Variants in ASIC2 observed in about 807,000 individuals in gnomAD.
ASIC2 encodes the protein acid sensing ion channel subunit 2, also known as acid-sensing ion channel 2.
In ASIC2, 25 loss-of-function variants were observed where a neutral mutation model predicts 57.3. That is an observed-to-expected ratio of 0.44 (90% confidence interval 0.32 to 0.61). ASIC2 has a LOEUF of 0.61. Among genes scored for constraint, ASIC2 ranks in the 20% least tolerant of loss-of-function variants. ASIC2 has a pLI of 0.06. For synonymous variants in ASIC2, 319 were observed against 307.5 expected (o/e 1.04, Z -0.39); for missense variants, 641 against 738.1 (o/e 0.87, Z 1.52).
rs202059141 is a variant in ASIC2, at chr17:33,088,817, C to T, written c.987+46G>A. On this transcript the variant is annotated intron_variant, in intron 3 of 9. Coordinates refer to ENST00000225823, the MANE Select transcript of ASIC2 (RefSeq NM_183377.2). ...TCCTCCTTGTGCCTCTGCAGGGGGT[C>T]GGGGGAGGCTGAGGACCATCAATCC... 170 of 1,556,436 alleles carry T rather than the reference C, an allele frequency of 1.1e-4. No homozygotes were observed. In the East Asian group the frequency reaches 1.4e-3, roughly 13 times the overall value.
intron 1 of ASIC2, among the ~76,000 whole-genome samples, chr17:33,704,611 G>C (rs965241435): frequency 7.2e-5 from 11 of 152,312 alleles, no homozygotes; most frequent in African/African-American, 2.6e-4. Flanking sequence ...AAACTAACAG[G>C]ATAAGAACCA....
chr17:33,942,946 CA>C (rs1482934038), intron 1 of ASIC2, among the ~76,000 whole-genome samples: 1 of 152,182 alleles, frequency 6.6e-6, no homozygotes, highest in Non-Finnish European at 1.5e-5. Context: ...TCGTCCTTCC[CA>C]AAGTCTCAGG....
chr17:33,686,919 G>A lies in ASIC2; in HGVS notation c.555+469059C>T, dbSNP rs957509060. ...AGAGTTACATCAGGGAGGGGCAGGG[G>A]TTGGGAAAATAAACCTAAATGCAGT... On this transcript the variant is annotated intron_variant, in intron 1 of 9. Coordinates refer to the ASIC2 transcript ENST00000359872. Among the ~76,000 whole-genome samples, 8 of 152,148 alleles carry A rather than the reference G, an allele frequency of 5.3e-5. 1 individual carries two copies. In the East Asian group the frequency reaches 1.5e-3, roughly 29 times the overall value.
chr17:33,310,121 C>A (rs532145748), intron 1 of ASIC2, among the ~76,000 whole-genome samples: 27 of 151,496 alleles, frequency 1.8e-4, no homozygotes, highest in African/African-American at 6.3e-4. Flanking sequence ...TTCATTGAAG[C>A]CTGGGTGTTT....
rs754555423 is a variant in ASIC2 at position 33,025,930 on chromosome 17, G to C, written c.1191C>G (p.Ala397=). 3.7e-6 allele frequency: 6 copies of C among 1,612,648 alleles called. No individual in the cohort carries two copies. In the South Asian group the frequency reaches 6.6e-5, roughly 18 times the overall value. The change falls in exon 5 of 10, where the codon GCC becomes GCG. Residue 397 remains alanine (A), a synonymous_variant. Coordinates refer to ENST00000225823, the MANE Select transcript of ASIC2 (RefSeq NM_183377.2). ...PEQHKECAEP[A]LGLLAEKDSN... ...ATCTGTCCCCTGAGTACTGACCTAG[G>C]GCAGGCTCTGCACACTCCTTGTGCT... is the stretch of plus-strand genomic sequence containing the variant.
intron 1 of ASIC2, among the ~76,000 whole-genome samples, chr17:33,973,088 C>T (rs958342731): frequency 1.3e-5 from 2 of 152,240 alleles, no homozygotes; most frequent in Non-Finnish European, 2.9e-5. Flanking sequence ...TGAATCTCTG[C>T]ATCATCTCTT....
intron 1 of ASIC2, among the ~76,000 whole-genome samples, chr17:33,314,661 G>T (rs1346583968): frequency 2.0e-5 from 3 of 152,224 alleles, no homozygotes; most frequent in African/African-American, 7.2e-5. Context: ...AGAGCTCAGT[G>T]TAAAAGGTTT....
At position 33,276,799 on chromosome 17, in the gene ASIC2, C is replaced by T. The variant is rs544615810; in HGVS notation, c.708+14609G>A. ...CCTGACGGTCTAGCCTGGGGGAAGC[C>T]GCTTTGCTTCTCAGAGCAGGATTCA... On this transcript the variant is annotated intron_variant, in intron 1 of 9. Transcript: ENST00000225823. Among the ~76,000 whole-genome samples the T allele has an allele frequency of 1.1e-4, 16 of 152,286 alleles. No homozygotes were observed. The South Asian group carries it at 2.9e-3, about 28-fold the overall frequency.
rs935979100 is a variant in ASIC2 at position 34,080,051 on chromosome 17, A to G, written c.555+75927T>C. ...GAGCTGATGGCTTCTACACTTAGCT[A>G]AAGTGGACTCTATGAATACTGTCTG... On this transcript the variant is annotated intron_variant, in intron 1 of 9. Coordinates refer to the ASIC2 transcript ENST00000359872. 2.0e-5 allele frequency among the ~76,000 whole-genome samples: 3 copies of G among 152,210 alleles called. No individual in the cohort carries two copies. In the South Asian group the frequency reaches 6.2e-4, roughly 32 times the overall value.
chr17:34,038,049 T>C, intron 1 of ASIC2: 1 of 1,613,380 alleles, frequency 6.2e-7, no homozygotes, highest in South Asian at 1.1e-5. Flanking sequence ...GTTAGCTCCA[T>C]GCCATCCACT....
chr17:33,547,963 C>T (rs1045141772), intron 1 of ASIC2, among the ~76,000 whole-genome samples: 5 of 152,204 alleles, frequency 3.3e-5, no homozygotes, highest in Non-Finnish European at 5.9e-5. Context: ...GCTGATACAG[C>T]CAGCCATCAC....
intron 1 of ASIC2, among the ~76,000 whole-genome samples, chr17:33,170,792 A>T (rs1905485608): frequency 6.6e-6 from 1 of 152,210 alleles, no homozygotes; most frequent in South Asian, 2.1e-4. Flanking sequence ...CATTTCTACA[A>T]CATTCTACAA....
Position 34,131,806 on chromosome 17 carries a change from G to A in ASIC2, c.555+24172C>T, listed in dbSNP as rs556170762. Among the ~76,000 whole-genome samples, 116 of 152,346 alleles carry A rather than the reference G, an allele frequency of 7.6e-4. No homozygotes were observed. In the Middle Eastern group the frequency reaches 0.01, roughly 13 times the overall value. The stretch of plus-strand genomic sequence containing the variant: ...GAGGCCCCCTGTCCAAATGGGACCA[G>A]ATAAACAAGAGGCCCTGAAAGGTCT... On this transcript the variant is annotated intron_variant, in intron 1 of 9. Transcript: ENST00000359872.
At chr17:33,072,511 C>T (rs889186340) in intron 3 of ASIC2, among the ~76,000 whole-genome samples, 1 of 152,164 alleles carries the variant, frequency 6.6e-6, no homozygotes, top group Non-Finnish European at 1.5e-5. Context: ...TATCAGGTGG[C>T]CCATCTCTAC....
intron 1 of ASIC2, among the ~76,000 whole-genome samples, chr17:34,031,942 G>A (rs925956266): frequency 6.6e-6 from 1 of 152,168 alleles, no homozygotes; most frequent in Non-Finnish European, 1.5e-5. Context: ...CACTCTGCAG[G>A]ATATTATCCA....
At chr17:34,018,660 C>A (rs1907049839) in intron 1 of ASIC2, among the ~76,000 whole-genome samples, 2 of 152,136 alleles carry the variant, frequency 1.3e-5, no homozygotes, top group Admixed American at 6.5e-5. Context: ...GAAGTTGATT[C>A]CAACCCTCAT....
chr17:33,082,734 A>AAATG lies in ASIC2; in HGVS notation c.987+6128_987+6129insCATT, dbSNP rs2092118205. Among the ~76,000 whole-genome samples, 3 of 151,878 alleles carry AAATG rather than the reference A, an allele frequency of 2.0e-5. No individual in the cohort carries two copies. In the East Asian group the frequency reaches 5.8e-4, roughly 29 times the overall value. On this transcript the variant is annotated intron_variant, in intron 3 of 9. Coordinates refer to ENST00000225823, the MANE Select transcript of ASIC2 (RefSeq NM_183377.2). ...TAAATAAATAAATAAATAAATAAATAAATAAATAAATAATCATGGTTTGAG... is the reference window on the plus strand; with the variant it reads ...TAAATAAATAAATAAATAAATAAATAAATGAATAAATAAATAATCATGGTTTGAG...
intron 1 of ASIC2, among the ~76,000 whole-genome samples, chr17:33,438,774 T>TGGAG (rs1463640063): frequency 6.6e-6 from 1 of 151,704 alleles, no homozygotes; most frequent in Admixed American, 6.6e-5. Flanking sequence ...GCACATGACC[T>TGGAG]GGCCCAACCA....
At chr17:33,366,118 T>C (rs903373372) in intron 1 of ASIC2, among the ~76,000 whole-genome samples, 1 of 152,254 alleles carries the variant, frequency 6.6e-6, no homozygotes, top group African/African-American at 2.4e-5. Context: ...CATGATGCTA[T>C]GAGTGGGGAC....
Sources: allele counts gnomAD v4.1 joint callset (sites outside exome capture counted in the v4.1 genomes callset), GRCh38; gene constraint gnomAD v4.1.1; transcripts MANE v1.5; gene names NCBI Gene and HGNC (gene_info 2026-07-23, HGNC 2026-07-21).